Variants in NLGN1 observed in about 807,000 individuals in gnomAD.
NLGN1 encodes the protein neuroligin-1.
NLGN1 carries 12 observed loss-of-function variants against 65.5 expected under a neutral mutation model. The observed-to-expected ratio is 0.18, with a 90% CI of 0.12 to 0.30. The LOEUF (loss-of-function observed/expected upper bound fraction) is 0.30. Among genes scored for constraint, NLGN1 ranks in the 10% least tolerant of loss-of-function variants. The probability of loss-of-function intolerance (pLI) is 1.00; values close to 1 mark genes in which losing one functional copy is unlikely to be tolerated. For synonymous variants in NLGN1, 350 were observed against 359.5 expected, an observed-to-expected ratio of 0.97 and a Z score of 0.30; for missense variants, 750 against 1,007.1, an observed-to-expected ratio of 0.74 and a Z score of 3.46.
chr3:173,824,268 A>G (rs960858111), intron 4 of NLGN1, among the ~76,000 whole-genome samples: 3 of 152,116 alleles, frequency 2.0e-5, no homozygotes. Context: ...AGCCAAAAGG[A>G]AAAAAATGTC....
chr3:173,493,506 T>C (rs1377752535), intron 2 of NLGN1, among the ~76,000 whole-genome samples: 1 of 151,954 alleles, frequency 6.6e-6, no homozygotes, highest in Non-Finnish European at 1.5e-5. Context: ...TGTTAGTTAA[T>C]ATATGTATTT....
intron 4 of NLGN1, among the ~76,000 whole-genome samples, chr3:173,814,023 C>T (rs754688315): frequency 7.2e-5 from 11 of 152,210 alleles, no homozygotes; most frequent in South Asian, 4.1e-4. Flanking sequence ...GGAACAAAAG[C>T]GGCGAGGCCG....
At chr3:174,045,424 A>C (rs182443654) in intron 4 of NLGN1, among the ~76,000 whole-genome samples, 12 of 152,240 alleles carry the variant, frequency 7.9e-5, no homozygotes, top group Non-Finnish European at 1.8e-4. Flanking sequence ...TACTATCGTG[A>C]GAACAGCATG....
intron 3 of NLGN1, among the ~76,000 whole-genome samples, chr3:173,675,778 C>T (rs1269511074): frequency 5.9e-5 from 9 of 151,750 alleles, no homozygotes; most frequent in Admixed American, 2.6e-4. Context: ...TTGACTCTTG[C>T]GGTGGACACA....
At chr3:174,287,506 T>A (rs924834685), downstream of NLGN1, among the ~76,000 whole-genome samples, 2 of 151,744 alleles carry the variant, frequency 1.3e-5, no homozygotes, top group African/African-American at 4.8e-5. Flanking sequence ...TTGATATGAT[T>A]ACTTTTTCAC....
chr3:173,955,542 A>G lies in NLGN1; in HGVS notation c.646+147710A>G, dbSNP rs544424411. ...CAATGCTTTGTTATACAGAGATATG[A>G]TGTCAGTTTCATGTATAGCCAGCTT... is the stretch of plus-strand genomic sequence containing the variant. On this transcript the variant is annotated intron_variant, in intron 4 of 6. Coordinates refer to ENST00000457714, the Ensembl canonical transcript of NLGN1. Among the ~76,000 whole-genome samples the G allele has an allele frequency of 2.6e-5, 4 of 152,274 alleles. No individual in the cohort carries two copies. In the South Asian group the frequency reaches 8.3e-4, roughly 32 times the overall value.
chr3:174,238,765 G>A (rs1269963940), intron 4 of NLGN1, among the ~76,000 whole-genome samples: 4 of 152,158 alleles, frequency 2.6e-5, no homozygotes, highest in Non-Finnish European at 5.9e-5. Context: ...GACAGAGGAT[G>A]CAAAATAGTA....
chr3:173,435,821 C>A (rs887597450), intron 2 of NLGN1, among the ~76,000 whole-genome samples: 3 of 152,006 alleles, frequency 2.0e-5, no homozygotes, highest in African/African-American at 7.3e-5. Context: ...GGCAACAGAG[C>A]AAGACTCCCT....
At chr3:173,892,474 C>T (rs771677464) in intron 4 of NLGN1, among the ~76,000 whole-genome samples, 12 of 151,300 alleles carry the variant, frequency 7.9e-5, no homozygotes, top group Non-Finnish European at 1.5e-4. Context: ...GATCAGTAGC[C>T]CCAGTTTACA....
intron 4 of NLGN1, among the ~76,000 whole-genome samples, chr3:173,847,654 C>CT (rs1268882740): frequency 2.6e-5 from 4 of 152,150 alleles, no homozygotes; most frequent in African/African-American, 9.6e-5. Flanking sequence ...GGCAGATCAC[C>CT]TGAGGGCAGG....
At chr3:174,278,995 G>A (rs1366321827) in exon 6 of NLGN1, 2 of 1,587,990 alleles carry the variant, frequency 1.3e-6, no homozygotes, top group South Asian at 2.3e-5. Context: ...AGAGTTAGTG[G>A]AATGCCTACA....
At chr3:173,962,704 A>G (rs1163549116) in intron 4 of NLGN1, among the ~76,000 whole-genome samples, 1 of 152,160 alleles carries the variant, frequency 6.6e-6, no homozygotes, top group African/African-American at 2.4e-5. Context: ...AAGGCATGTT[A>G]TTTCCATTAA....
In NLGN1 at chr3:174,279,647, C is replaced by A; in HGVS notation, c.1646C>A (p.Thr549Asn). The A allele has an allele frequency of 1.9e-6, 3 of 1,584,406 alleles. No individual in the cohort carries two copies. Among genetic ancestry groups the A allele is most frequent in the Non-Finnish European group, 2.6e-6 (3 of 1,156,374 alleles). The stretch of plus-strand genomic sequence containing the variant: ...ACATACTGGACAAATTTTGCTAAAA[C>A]TGGGTATGTACCTAAGGAATGAAGT... The change falls in exon 6 of 7, where the codon ACT (threonine) becomes AAT (asparagine). Residue 549 changes from threonine to asparagine, a missense_variant. By Grantham distance (65) the Thr-to-Asn change is moderately conservative. Coordinates refer to ENST00000457714, the Ensembl canonical transcript of NLGN1. This position sits in a 1 kb window ranked among gnomAD's most constrained non-coding sequence, Gnocchi z 4.7.
intron 4 of NLGN1, among the ~76,000 whole-genome samples, chr3:173,938,723 T>C (rs1447049859): frequency 2.6e-5 from 4 of 152,170 alleles, no homozygotes; most frequent in Non-Finnish European, 5.9e-5. Context: ...CCCTCCAGAT[T>C]AGAGGAGGCC....
chr3:173,793,850 G>C (rs1188617819), intron 3 of NLGN1, among the ~76,000 whole-genome samples: 1 of 152,076 alleles, frequency 6.6e-6, no homozygotes, highest in African/African-American at 2.4e-5. Context: ...TTAAGACTCA[G>C]ATAGGGCAGA....
At chr3:173,504,360 A>G (rs1057116695) in intron 2 of NLGN1, among the ~76,000 whole-genome samples, 1 of 152,114 alleles carries the variant, frequency 6.6e-6, no homozygotes, top group Admixed American at 6.6e-5. Flanking sequence ...TTCTAAACTG[A>G]TAGCTCATAT....
intron 5 of NLGN1, among the ~76,000 whole-genome samples, chr3:174,276,216 C>G (rs142299833): frequency 1.3e-5 from 2 of 151,788 alleles, no homozygotes; most frequent in African/African-American, 4.8e-5. Flanking sequence ...ATATTTTTCT[C>G]GTTTCCATTT....
In NLGN1 at chr3:173,674,604, C is replaced by T. The variant is rs181195785; in HGVS notation, c.493+69513C>T. On this transcript the variant is annotated intron_variant, in intron 3 of 6. Transcript: ENST00000457714. Reference sequence around the variant, plus strand: ...TAAAGGAATAGAAAGCTGTCCTTTCCGAAATTAGATTCCTCTTTATACCTG... The same window carrying T: ...TAAAGGAATAGAAAGCTGTCCTTTCTGAAATTAGATTCCTCTTTATACCTG... Among the ~76,000 whole-genome samples the T allele has an allele frequency of 4.7e-3, 702 of 150,704 alleles. 3 individuals are homozygous for T. Among genetic ancestry groups the T allele is most frequent in the Non-Finnish European group, 8.6e-3 (584 of 67,772 alleles).
At chr3:174,258,298 A>T (rs1451449718) in intron 4 of NLGN1, among the ~76,000 whole-genome samples, 1 of 152,148 alleles carries the variant, frequency 6.6e-6, no homozygotes, top group Non-Finnish European at 1.5e-5. Flanking sequence ...CGAGTCCATA[A>T]TGGTATAAAC....
Sources: allele counts gnomAD v4.1 joint callset (sites outside exome capture counted in the v4.1 genomes callset), GRCh38; gene constraint gnomAD v4.1.1; non-coding constraint Gnocchi (gnomAD v3.1); transcripts MANE v1.5; gene names NCBI Gene and HGNC (gene_info 2026-07-23, HGNC 2026-07-21).